TCN2: variants seen among roughly 807,000 people sequenced by gnomAD.
TCN2 encodes transcobalamin-2.
Under a neutral mutation model 48.6 loss-of-function variants are expected in TCN2, and 34 were observed. That is an observed-to-expected ratio of 0.70 (90% CI 0.53 to 0.93). TCN2 has a LOEUF of 0.93. Ranked by LOEUF, TCN2 falls within the 40% of genes least tolerant of loss-of-function variation. TCN2 has a pLI of 0.00. For missense variants in TCN2, 652 were observed against 526.1 expected (o/e 1.24, Z -2.34); for synonymous variants, 283 against 212.5 (o/e 1.33, Z -2.89).
At chr22:30,609,291 CTCTG>C (rs1407498984) in intron 1 of TCN2, among the ~76,000 whole-genome samples, 7 of 152,052 alleles carry the variant, frequency 4.6e-5, no homozygotes, top group African/African-American at 1.2e-4. Flanking sequence ...GCGTGAGCCA[CTCTG>C]TCTGGCTCCT....
chr22:30,623,009 C>A lies in TCN2; in HGVS notation c.1148C>A (p.Ser383Tyr). The change falls in exon 8 of 9, where the codon TCC becomes TAC. Residue 383 changes from serine to tyrosine, a missense_variant. By Grantham distance (144) the Ser-to-Tyr change is moderately radical (BLOSUM62 -2). Transcript: ENST00000215838. ...TCCTTGTCAGGCCCCTACTTAACCT[C>A]CGTGATGGGGAAAGCGGCCGGAGAA... Reference protein sequence around the residue: ...QASLSGPYLTSVMGKAAGERE... With the variant: ...QASLSGPYLTYVMGKAAGERE... The A allele has an allele frequency of 3.7e-6, 6 of 1,614,140 alleles. No individual in the cohort carries two copies. The highest frequency in any genetic ancestry group is 5.1e-6 in the Non-Finnish European group (6 of 1,180,022).
rs1384095160 is a variant in TCN2, at chr22:30,624,080, A to ATATTTTT, written c.1222+998_1222+999insATTTTTT. ...CACACACATATATATATATATATATATTTTTTTTTTTTGAGATGGAGTCTT... is the reference window on the plus strand; with the variant it reads ...CACACACATATATATATATATATATATATTTTTTTTTTTTTTTTTGAGATGGAGTCTT... On this transcript the variant is annotated intron_variant, in intron 8 of 8. Transcript: ENST00000215838. 9.7e-5 allele frequency among the ~76,000 whole-genome samples: 4 copies of ATATTTTT among 41,350 alleles called. 1 individual carries two copies. In the East Asian group the frequency reaches 1.6e-3, roughly 16 times the overall value. The allele number at this position is 41,350 out of a possible 152,430, so 27.1% of individuals were successfully genotyped here.
rs746024609 is a variant in TCN2, at chr22:30,623,000, A to C, written c.1139A>C (p.Tyr380Ser). The change falls in exon 8 of 9, where the codon TAC becomes TCC. Residue 380 changes from tyrosine to serine, a missense_variant. Physicochemically the swap from Tyr to Ser is moderately radical, Grantham distance 144. Coordinates refer to ENST00000215838, the MANE Select transcript of TCN2 (RefSeq NM_000355.4). The stretch of plus-strand genomic sequence containing the variant: ...ACACAGGCCTCCTTGTCAGGCCCCT[A>C]CTTAACCTCCGTGATGGGGAAAGCG... ...YETQASLSGP[Y>S]LTSVMGKAAG... 24 of 1,613,794 alleles carry C rather than the reference A, an allele frequency of 1.5e-5. No homozygotes were observed. The highest frequency in any genetic ancestry group is 1.9e-5 in the Non-Finnish European group (23 of 1,179,986).
chr22:30,616,969 CAG>C (rs149468246), intron 6 of TCN2, among the ~76,000 whole-genome samples: 6,351 of 152,180 alleles, frequency 0.042, 307 homozygotes, highest in East Asian at 0.24. Flanking sequence ...GTGAGCGCAT[CAG>C]GGTAACAGAG....
At chr22:30,610,153 A>C (rs1164111791) in intron 1 of TCN2, 4 of 467,286 alleles carry the variant, frequency 8.6e-6, no homozygotes, top group Non-Finnish European at 1.8e-5. Context: ...AATAAATCCC[A>C]CAGCAACAGG....
rs113574310 is a variant in TCN2, at chr22:30,618,497, G to A, written c.1106+1002G>A. On this transcript the variant is annotated intron_variant, in intron 7 of 8. Coordinates refer to ENST00000215838, the MANE Select transcript of TCN2 (RefSeq NM_000355.4). ...CTCCTGAGTAGCTGGCGCTACAGGCGCGTGCCACCATGCCCAGCTAATTTT... is the reference window on the plus strand; with the variant it reads ...CTCCTGAGTAGCTGGCGCTACAGGCACGTGCCACCATGCCCAGCTAATTTT... 4.3e-3 allele frequency among the ~76,000 whole-genome samples: 661 copies of A among 151,990 alleles called. 7 individuals are homozygous for A. Among genetic ancestry groups the A allele is most frequent in the African/African-American group, 0.015 (617 of 41,436 alleles).
At chr22:30,618,778 A>T (rs1397000963) in intron 7 of TCN2, among the ~76,000 whole-genome samples, 1 of 151,956 alleles carries the variant, frequency 6.6e-6, no homozygotes, top group Non-Finnish European at 1.5e-5. Flanking sequence ...ACACCCATCT[A>T]CTTTTTTTTG....
chr22:30,621,911 G>C (rs1400002389), intron 7 of TCN2, among the ~76,000 whole-genome samples: 1 of 152,214 alleles, frequency 6.6e-6, no homozygotes, highest in Non-Finnish European at 1.5e-5. Flanking sequence ...CTCATCTCTT[G>C]AAGCCCTTCT....
In TCN2 at chr22:30,625,297, C is replaced by T. The variant is rs146471340; in HGVS notation, c.1223-1163C>T. On this transcript the variant is annotated intron_variant, in intron 8 of 8. Transcript: ENST00000215838. The stretch of plus-strand genomic sequence containing the variant: ...GGGCAGTCCCAGATCAGGACACTGA[C>T]AGATTCAGTGTCTGATGGGGGCCCA... 5.0e-3 allele frequency among the ~76,000 whole-genome samples: 762 copies of T among 152,226 alleles called. 6 individuals are homozygous for T. The highest frequency in any genetic ancestry group is 0.018 in the African/African-American group (731 of 41,534).
chr22:30,617,644 C>T, intron 7 of TCN2, 149 bp downstream of exon 7: 1 of 1,083,812 alleles, frequency 9.2e-7, no homozygotes, highest in Non-Finnish European at 1.4e-6. Flanking sequence ...CCTTTCTTGC[C>T]CACGGTGTTA....
Position 30,615,373 on chromosome 22 carries a change from G to T in TCN2, c.653G>T (p.Arg218Leu). The T allele has an allele frequency of 1.9e-6, 3 of 1,614,164 alleles. No homozygotes were observed. The highest frequency in any genetic ancestry group is 1.7e-6 in the Non-Finnish European group (2 of 1,180,044). ...RSNFNPGRRQ[R>L]ITMAIRTVRE... ...AACTTCAACCCTGGTCGGAGACAAC[G>T]GATCACCATGGCCATCAGAACAGTG... is the stretch of plus-strand genomic sequence containing the variant. Residue 218 changes from arginine (R) to leucine (L), a missense_variant, in exon 5 of 9, where the codon CGG becomes CTG. Arg to Leu is a moderately radical substitution (Grantham distance 102). Coordinates refer to ENST00000215838, the MANE Select transcript of TCN2 (RefSeq NM_000355.4).
chr22:30,626,420 C>T (rs775507135), intron 8 of TCN2, 40 bp from the exon 9 acceptor site: 42 of 1,608,944 alleles, frequency 2.6e-5, no homozygotes, highest in Admixed American at 5.0e-5. Flanking sequence ...GTGCGATATT[C>T]TGCCCAATTC....
At chr22:30,616,865 G>A (rs1218336632) in intron 6 of TCN2, among the ~76,000 whole-genome samples, 1 of 152,172 alleles carries the variant, frequency 6.6e-6, no homozygotes, top group African/African-American at 2.4e-5. Context: ...ACACAGAGGT[G>A]CACAGAGTTT....
intron 1 of TCN2, chr22:30,610,130 T>C (rs1366230237): frequency 2.2e-6 from 1 of 459,024 alleles, no homozygotes; most frequent in East Asian, 7.0e-5. Context: ...AGTATTTTCG[T>C]TGCACAGCTT....
At chr22:30,625,841 C>T (rs541801326) in intron 8 of TCN2, among the ~76,000 whole-genome samples, 3 of 152,288 alleles carry the variant, frequency 2.0e-5, no homozygotes, top group East Asian at 1.9e-4. Flanking sequence ...CTAAGGCCTC[C>T]TGATACCATC....
intron 2 of TCN2, among the ~76,000 whole-genome samples, chr22:30,611,733 C>T (rs922634581): frequency 4.6e-5 from 7 of 152,244 alleles, no homozygotes; most frequent in African/African-American, 7.2e-5. Context: ...GTCTTGAACT[C>T]CTGACCTCAG....
At chr22:30,610,243 G>A in intron 1 of TCN2, 1 of 471,138 alleles carries the variant, frequency 2.1e-6, no homozygotes, top group Middle Eastern at 3.2e-4. Context: ...AGAGATGGCA[G>A]GAAAGGCGTT....
Position 30,623,371 on chromosome 22 carries a change from A to G in TCN2, c.1222+288A>G, listed in dbSNP as rs190495247. 1.1e-3 allele frequency: 371 copies of G among 337,990 alleles called. 4 individuals are homozygous for G. The highest frequency in any genetic ancestry group is 6.9e-3 in the South Asian group (224 of 32,482). The allele number at this position is 337,990 out of a possible 1,614,324, so 20.9% of individuals were successfully genotyped here. A position where few individuals can be genotyped will look rare whatever the true frequency, so the allele number is the denominator to read the frequency against. On this transcript the variant is annotated intron_variant, in intron 8 of 8. Coordinates refer to ENST00000215838, the MANE Select transcript of TCN2 (RefSeq NM_000355.4). ...CCTAGGAATAACGTCTTTTATTTTG[A>G]GATGGAGTTTCGCTCTTGTTGCCCA...
In TCN2 at chr22:30,624,080, ATT is replaced by A. The variant is rs201040176; in HGVS notation, c.1222+1008_1222+1009del. ...CACACACATATATATATATATATATATTTTTTTTTTTTGAGATGGAGTCTTGC... is the reference window on the plus strand; with the variant it reads ...CACACACATATATATATATATATATATTTTTTTTTTGAGATGGAGTCTTGC... On this transcript the variant is annotated intron_variant, in intron 8 of 8. Coordinates refer to ENST00000215838, the MANE Select transcript of TCN2 (RefSeq NM_000355.4). Among the ~76,000 whole-genome samples, 265 of 41,346 alleles carry A rather than the reference ATT, an allele frequency of 6.4e-3. 102 individuals carry two copies. The highest frequency in any genetic ancestry group is 0.051 in the African/African-American group (219 of 4,312). The allele number at this position is 41,346 out of a possible 152,430, so 27.1% of individuals were successfully genotyped here. A position where few individuals can be genotyped will look rare whatever the true frequency, so the allele number is the denominator to read the frequency against.
Sources: allele counts gnomAD v4.1 joint callset (sites outside exome capture counted in the v4.1 genomes callset), GRCh38; gene constraint gnomAD v4.1.1; transcripts MANE v1.5; gene names NCBI Gene and HGNC (gene_info 2026-07-23, HGNC 2026-07-21).